Variants in MBD2 observed in about 807,000 individuals in gnomAD.
MBD2 encodes the protein methyl-CpG binding domain protein 2, also known as methyl-CpG-binding domain protein 2.
MBD2 carries 9 observed loss-of-function variants against 39.3 expected under a neutral mutation model. That is an observed-to-expected ratio of 0.23 (90% CI 0.14 to 0.40). MBD2 has a LOEUF of 0.40. Among genes scored for constraint, MBD2 ranks in the 10% least tolerant of loss-of-function variants. The probability of loss-of-function intolerance (pLI) is 1.00; values close to 1 mark genes in which losing one functional copy is unlikely to be tolerated. For missense variants in MBD2, 458 were observed against 532.6 expected, an observed-to-expected ratio of 0.86 and a Z score of 1.38; for synonymous variants, 233 against 211.1, an observed-to-expected ratio of 1.10 and a Z score of -0.90.
chr18:54,155,001 G>T lies in MBD2; in HGVS notation c.*323C>A, dbSNP rs1409419943. 2 of 152,552 alleles carry T rather than the reference G, an allele frequency of 1.3e-5. No homozygotes were observed. The highest frequency in any genetic ancestry group is 4.8e-5 in the African/African-American group (2 of 41,428). 9.4% of individuals were successfully genotyped at this position (152,552 alleles called of 1,614,324 possible). A position where few individuals can be genotyped will look rare whatever the true frequency, so the allele number is the denominator to read the frequency against. ...CCTGATCTGTTCTTATTAAAACTGT[G>T]GGGGAAACAAATGTTTTACGTAAGT... On this transcript the variant is annotated 3_prime_UTR_variant, in exon 7 of 7. Coordinates refer to ENST00000256429, the MANE Select transcript of MBD2 (RefSeq NM_003927.5).
Position 54,224,015 on chromosome 18 carries a change from T to C in MBD2, c.542+3A>G. 2 of 1,349,782 alleles carry C rather than the reference T, an allele frequency of 1.5e-6. No individual in the cohort carries two copies. Among genetic ancestry groups the C allele is most frequent in the Non-Finnish European group, 2.0e-6 (2 of 997,668 alleles). 83.6% of individuals were successfully genotyped at this position (1,349,782 alleles called of 1,614,324 possible). A position where few individuals can be genotyped will look rare whatever the true frequency, so the allele number is the denominator to read the frequency against. ...CACCCCCTCCCCGCCCCCAGGGAGG[T>C]ACCTGAAGTAGTAGACATCGCTCTT... On this transcript the variant is annotated splice_donor_region_variant and intron_variant, in intron 1 of 6. Transcript: ENST00000256429.
intron 2 of MBD2, among the ~76,000 whole-genome samples, chr18:54,200,662 G>A (rs547464548): frequency 3.4e-5 from 5 of 148,130 alleles, no homozygotes; most frequent in Admixed American, 2.6e-4. Flanking sequence ...AGCTTTTGAA[G>A]CAAAGGTTTG....
chr18:54,179,309 T>C (rs2086233013), intron 3 of MBD2, among the ~76,000 whole-genome samples: 2 of 152,250 alleles, frequency 1.3e-5, no homozygotes, highest in South Asian at 4.1e-4. Context: ...AATGCCAATT[T>C]TATAGAAACT....
Position 54,224,573 on chromosome 18 carries a change from C to A in MBD2, c.-14G>T, listed in dbSNP as rs2086647212. 1 of 1,224,006 alleles carries A rather than the reference C, an allele frequency of 8.2e-7. No homozygotes were observed. The highest frequency in any genetic ancestry group is 3.2e-5 in the East Asian group (1 of 31,440). The allele number at this position is 1,224,006 out of a possible 1,614,324, so 75.8% of individuals were successfully genotyped here. On this transcript the variant is annotated 5_prime_UTR_variant, in exon 1 of 7. Coordinates refer to ENST00000256429, the MANE Select transcript of MBD2 (RefSeq NM_003927.5). ...GTGCGCGCGCATCCAGCCCCCTCCC[C>A]AGCCGGCGCTGCGCTTCTTCCGTAA...
At chr18:54,209,542 C>G (rs546846786) in intron 1 of MBD2, among the ~76,000 whole-genome samples, 1 of 152,102 alleles carries the variant, frequency 6.6e-6, no homozygotes, top group Non-Finnish European at 1.5e-5. Flanking sequence ...AAGTATCTAT[C>G]ATATATACTG....
Position 54,199,849 on chromosome 18 carries a change from C to T in MBD2, c.702+5149G>A, listed in dbSNP as rs146956904. ...TCCCTTCCCAAATCCAGTCTCCATA[C>T]TGTGCCCCACTCTATATACCCAAAT... On this transcript the variant is annotated intron_variant, in intron 2 of 6. Coordinates refer to ENST00000256429, the MANE Select transcript of MBD2 (RefSeq NM_003927.5). Among the ~76,000 whole-genome samples, 331 of 152,264 alleles carry T rather than the reference C, an allele frequency of 2.2e-3. 3 individuals are homozygous for T. Among genetic ancestry groups the T allele is most frequent in the African/African-American group, 7.4e-3 (309 of 41,552 alleles).
At chr18:54,221,404 G>GTGC (rs2086611034) in intron 1 of MBD2, among the ~76,000 whole-genome samples, 1 of 149,820 alleles carries the variant, frequency 6.7e-6, no homozygotes, top group Admixed American at 6.7e-5. Context: ...CTTGTAGTGA[G>GTGC]CCAAGATCAC....
intron 2 of MBD2, among the ~76,000 whole-genome samples, chr18:54,202,220 G>A (rs1166323209): frequency 6.6e-6 from 1 of 152,008 alleles, no homozygotes; most frequent in Non-Finnish European, 1.5e-5. Context: ...GTGGGTGCCT[G>A]TAATCCCAGC....
intron 1 of MBD2, among the ~76,000 whole-genome samples, chr18:54,215,276 T>A (rs2086547637): frequency 6.6e-6 from 1 of 152,198 alleles, no homozygotes; most frequent in Non-Finnish European, 1.5e-5. Flanking sequence ...CATGGTAACT[T>A]GACAGGGTAA....
chr18:54,203,149 G>T, intron 2 of MBD2: 1 of 1,604,170 alleles, frequency 6.2e-7, no homozygotes, highest in South Asian at 1.1e-5. Context: ...ATTAGTGTTT[G>T]GTTTTTGATG....
rs1207107524 is a variant in MBD2, at chr18:54,217,149, G to A, written c.542+6869C>T. Among the ~76,000 whole-genome samples the A allele has an allele frequency of 3.9e-5, 6 of 152,080 alleles. No individual in the cohort carries two copies. The East Asian group carries it at 1.2e-3, about 29-fold the overall frequency. On this transcript the variant is annotated intron_variant, in intron 1 of 6. Transcript: ENST00000256429. ...GACGATGTTCTTCTTCCTCACATCT[G>A]TAAAACACTCGATTACTCCTGAGAA... is the stretch of plus-strand genomic sequence containing the variant.
intron 2 of MBD2, chr18:54,202,765 C>G: frequency 6.8e-7 from 1 of 1,474,626 alleles, no homozygotes; most frequent in Non-Finnish European, 9.0e-7. Context: ...ATCAAATAAA[C>G]ATAAAGCAAT....
Position 54,205,059 on chromosome 18 carries a change from A to G in MBD2, c.641T>C (p.Met214Thr). 1 of 1,613,976 alleles carries G rather than the reference A, an allele frequency of 6.2e-7. No homozygotes were observed. The highest frequency in any genetic ancestry group is 8.5e-7 in the Non-Finnish European group (1 of 1,179,898). ...SSFDFRTGKM[M>T]PSKLQKNKQR... ...TTTGTTCTTCTGTAATTTACTAGGC[A>G]TCATCTTTCCAGTTCTGAAGTCAAA... is the stretch of plus-strand genomic sequence containing the variant. Residue 214 changes from methionine (M) to threonine (T), a missense_variant, in exon 2 of 7, where the codon ATG becomes ACG. Around this residue, in one of 2 missense-constraint regions of MBD2, gnomAD observed 189 missense variants for 296.6 expected, o/e 0.64. Coordinates refer to ENST00000256429, the MANE Select transcript of MBD2 (RefSeq NM_003927.5).
chr18:54,198,455 C>T (rs2086382216), intron 2 of MBD2, among the ~76,000 whole-genome samples: 1 of 152,228 alleles, frequency 6.6e-6, no homozygotes, highest in Non-Finnish European at 1.5e-5. Context: ...TGGCTCACGC[C>T]TGTAATCCTA....
rs1196504749 is a variant in MBD2 at position 54,224,475 on chromosome 18, C to T, written c.85G>A (p.Asp29Asn). Residue 29 changes from aspartate (D) to asparagine (N), a missense_variant, in exon 1 of 7, where the codon GAC (aspartate) becomes AAC (asparagine). Asp to Asn is a conservative substitution (Grantham distance 23). Transcript: ENST00000256429. ...TGGCCCCCCTGCTCTATGGCGGAGT[C>T]GCCGCCAGCGCCGCTGCCGCCCGCC... ...SAAGGSGAGG[D>N]SAIEQGGQGS... is the part of the protein sequence containing the mutation. 1 of 1,231,594 alleles carries T rather than the reference C, an allele frequency of 8.1e-7. No individual in the cohort carries two copies. The highest frequency in any genetic ancestry group is 1.0e-6 in the Non-Finnish European group (1 of 988,902). The allele number at this position is 1,231,594 out of a possible 1,614,324, so 76.3% of individuals were successfully genotyped here.
At chr18:54,158,873 C>G (rs190914962) in intron 6 of MBD2, among the ~76,000 whole-genome samples, 2 of 152,192 alleles carry the variant, frequency 1.3e-5, no homozygotes, top group South Asian at 2.1e-4. Context: ...AGTGATCCGC[C>G]TGCCTTGGCA....
intron 5 of MBD2, among the ~76,000 whole-genome samples, chr18:54,163,567 C>T (rs181969867): frequency 6.6e-6 from 1 of 152,194 alleles, no homozygotes; most frequent in East Asian, 1.9e-4. Flanking sequence ...CAATGGTTTG[C>T]TTCTACTTTC....
intron 3 of MBD2, among the ~76,000 whole-genome samples, chr18:54,182,881 G>A (rs781496038): frequency 2.0e-5 from 3 of 151,844 alleles, no homozygotes; most frequent in African/African-American, 4.8e-5. Context: ...GCAATGAGTC[G>A]TGATTGCACT....
intron 2 of MBD2, among the ~76,000 whole-genome samples, chr18:54,199,664 C>T (rs1049230762): frequency 6.6e-6 from 1 of 152,140 alleles, no homozygotes; most frequent in Non-Finnish European, 1.5e-5. Flanking sequence ...TGACCAAAGC[C>T]AGGGTTATTG....
Sources: allele counts gnomAD v4.1 joint callset (sites outside exome capture counted in the v4.1 genomes callset), GRCh38; gene constraint gnomAD v4.1.1; regional missense constraint gnomAD v4.1.1; transcripts MANE v1.5; gene names NCBI Gene and HGNC (gene_info 2026-07-23, HGNC 2026-07-21).